IRAK2: variants seen among roughly 807,000 people sequenced by gnomAD.
IRAK2 encodes interleukin-1 receptor-associated kinase-like 2.
IRAK2 carries 57 observed loss-of-function variants against 72.0 expected under a neutral mutation model. The ratio of observed to expected loss-of-function variants is 0.79; its 90% CI spans 0.64 to 0.99. The LOEUF is 0.99. IRAK2 is among the 50% of genes least tolerant of loss of function. The pLI, the probability that IRAK2 is intolerant of heterozygous loss-of-function variation, is 0.00. For synonymous variants in IRAK2, 293 were observed against 312.7 expected (o/e 0.94, Z 0.67); for missense variants, 790 against 794.4 (o/e 0.99, Z 0.07).
chr3:10,234,436 C>G, intron 10 of IRAK2, 23 bp from the exon 11 acceptor site: 1 of 1,602,966 alleles, frequency 6.2e-7, no homozygotes, highest in Non-Finnish European at 8.5e-7. Flanking sequence ...CACGCAAGGG[C>G]GTTTCTACCC....
chr3:10,207,843 AT>A (rs1394306037), intron 3 of IRAK2, among the ~76,000 whole-genome samples: 1 of 152,002 alleles, frequency 6.6e-6, no homozygotes, highest in Non-Finnish European at 1.5e-5. Flanking sequence ...AAATACAAAA[AT>A]TAGCCGGCAT....
chr3:10,230,163 C>T (rs545572586), intron 10 of IRAK2, among the ~76,000 whole-genome samples: 20 of 152,110 alleles, frequency 1.3e-4, no homozygotes, highest in African/African-American at 3.1e-4. Context: ...TCCAAGTGAA[C>T]AAAGCAAATT....
chr3:10,180,501 C>T lies in IRAK2; in HGVS notation c.277+2481C>T, dbSNP rs77035214. ...GAATAGGAAGAAGACAGCCACATGACGCATTGGGTAAGAGCTCAGGAGAGA... is the reference window on the plus strand; with the variant it reads ...GAATAGGAAGAAGACAGCCACATGATGCATTGGGTAAGAGCTCAGGAGAGA... On this transcript the variant is annotated intron_variant, in intron 2 of 12. Transcript: ENST00000256458. 4.6e-3 allele frequency among the ~76,000 whole-genome samples: 699 copies of T among 152,182 alleles called. 25 individuals are homozygous for T. The South Asian group carries it at 0.075, about 16-fold the overall frequency.
At chr3:10,185,175 C>T (rs1697034713) in intron 2 of IRAK2, among the ~76,000 whole-genome samples, 1 of 151,588 alleles carries the variant, frequency 6.6e-6, no homozygotes. Flanking sequence ...TTGGGCCCCA[C>T]CTCATCTGCT....
intron 8 of IRAK2, among the ~76,000 whole-genome samples, chr3:10,220,537 G>A (rs1697671483): frequency 1.3e-5 from 2 of 152,036 alleles, no homozygotes; most frequent in African/African-American, 2.4e-5. Flanking sequence ...CCACCTCCCT[G>A]GTTCAAGCGA....
At chr3:10,216,018 C>T (rs957398703) in intron 6 of IRAK2, among the ~76,000 whole-genome samples, 5 of 151,946 alleles carry the variant, frequency 3.3e-5, no homozygotes, top group South Asian at 2.1e-4. Context: ...TATGCAAAAG[C>T]GAGTAATAGG....
chr3:10,202,823 C>T (rs562374449), intron 3 of IRAK2, among the ~76,000 whole-genome samples: 1 of 151,608 alleles, frequency 6.6e-6, no homozygotes, highest in Admixed American at 6.6e-5. Context: ...TCTCAAGTAG[C>T]TGGGACTACA....
rs140997134 is a variant in IRAK2, at chr3:10,177,846, G to T, written c.103G>T (p.Val35Leu). 3.7e-6 allele frequency: 6 copies of T among 1,612,714 alleles called. No individual in the cohort carries two copies. In the South Asian group the frequency reaches 4.4e-5, roughly 12 times the overall value. The stretch of plus-strand genomic sequence containing the variant: ...CTCTCCGTCCCTTCCAGCCTCCTAC[G>T]TGATCACAGACCTGACCCAGCTGCG... ...EWDWMEFASY[V>L]ITDLTQLRKI... The change falls in exon 2 of 13, where the codon GTG (valine) becomes TTG (leucine). Residue 35 changes from valine (V) to leucine (L), a missense_variant. Coordinates refer to ENST00000256458, the MANE Select transcript of IRAK2 (RefSeq NM_001570.4).
chr3:10,240,558 C>CCCT (rs1274154130), intron 12 of IRAK2, among the ~76,000 whole-genome samples: 2 of 18,066 alleles, frequency 1.1e-4, no homozygotes, highest in South Asian at 6.7e-3. Flanking sequence ...CCCCCCCCGC[C>CCCT]TTTTTTTTTT....
At position 10,232,517 on chromosome 3, in the gene IRAK2, G is replaced by A. The variant is rs146984201; in HGVS notation, c.1273-1942G>A. Among the ~76,000 whole-genome samples, 397 of 152,240 alleles carry A rather than the reference G, an allele frequency of 2.6e-3. 3 individuals carry two copies. Among genetic ancestry groups the A allele is most frequent in the Non-Finnish European group, 4.5e-3 (304 of 68,024 alleles). On this transcript the variant is annotated intron_variant, in intron 10 of 12. Coordinates refer to ENST00000256458, the MANE Select transcript of IRAK2 (RefSeq NM_001570.4). ...ATCAGTGGTTTCAGGTGGAGCTGCCGACTCCTCCATGGTGAAGTTCCCTCG... is the reference window on the plus strand; with the variant it reads ...ATCAGTGGTTTCAGGTGGAGCTGCCAACTCCTCCATGGTGAAGTTCCCTCG...
chr3:10,184,785 A>T (rs937849651), intron 2 of IRAK2, among the ~76,000 whole-genome samples: 1 of 137,534 alleles, frequency 7.3e-6, no homozygotes, highest in East Asian at 2.2e-4. Context: ...GCTGGAGTGC[A>T]GTGGCGCGAT....
chr3:10,242,237 A>C lies in IRAK2; in HGVS notation c.*9A>C, dbSNP rs1387867643. 1.3e-6 allele frequency: 2 copies of C among 1,532,068 alleles called. No homozygotes were observed. Among genetic ancestry groups the C allele is most frequent in the African/African-American group, 2.7e-5 (2 of 73,196 alleles). The allele number at this position is 1,532,068 out of a possible 1,614,324, so 94.9% of individuals were successfully genotyped here. ...AGCTCTTTGGCCCCTGATGACCGGA[A>C]CACAGCTGAGGACCCTTGTCCTCAG... On this transcript the variant is annotated 3_prime_UTR_variant, in exon 13 of 13. Transcript: ENST00000256458.
intron 2 of IRAK2, 150 bp downstream of exon 2, chr3:10,178,170 G>A (rs550334388): frequency 2.4e-5 from 17 of 694,554 alleles, no homozygotes; most frequent in East Asian, 2.0e-4. Context: ...TAAGAAACTG[G>A]TAACAGGCCA....
At chr3:10,230,611 C>A (rs1403225121) in intron 10 of IRAK2, among the ~76,000 whole-genome samples, 1 of 152,062 alleles carries the variant, frequency 6.6e-6, no homozygotes, top group African/African-American at 2.4e-5. Flanking sequence ...TCTCTGCCAC[C>A]CTGGCTAGTA....
chr3:10,229,694 T>C (rs1339557097), intron 10 of IRAK2, among the ~76,000 whole-genome samples: 1 of 152,206 alleles, frequency 6.6e-6, no homozygotes, highest in African/African-American at 2.4e-5. Flanking sequence ...TGAAGAGTAT[T>C]CCATTGTATG....
intron 11 of IRAK2, among the ~76,000 whole-genome samples, chr3:10,236,812 G>A (rs1025283497): frequency 6.6e-6 from 1 of 152,204 alleles, no homozygotes; most frequent in African/African-American, 2.4e-5. Flanking sequence ...CTATAACAAG[G>A]AGACTGCAAA....
intron 11 of IRAK2, 88 bp from the exon 12 acceptor site, chr3:10,238,660 C>G (rs1025131776): frequency 7.8e-7 from 1 of 1,279,986 alleles, no homozygotes; most frequent in East Asian, 2.3e-5. Context: ...GTCTGCTCCC[C>G]GCCCCCTCTC....
At chr3:10,169,442 G>A (rs9861384) in intron 1 of IRAK2, among the ~76,000 whole-genome samples, 591 of 152,192 alleles carry the variant, frequency 3.9e-3, no homozygotes, top group African/African-American at 0.014. Flanking sequence ...GACCTACCCC[G>A]GGAATGCGTT....
Position 10,185,761 on chromosome 3 carries a change from A to C in IRAK2, c.277+7741A>C, listed in dbSNP as rs1697066142. On this transcript the variant is annotated intron_variant, in intron 2 of 12. Coordinates refer to ENST00000256458, the MANE Select transcript of IRAK2 (RefSeq NM_001570.4). ...CGTGGTGGCTCAGGCCTGTGATCTC[A>C]GCTACTTGGGAGGCTGACGCAGGAG... Among the ~76,000 whole-genome samples the C allele has an allele frequency of 4.6e-5, 7 of 151,414 alleles. No homozygotes were observed. In the South Asian group the frequency reaches 1.5e-3, roughly 31 times the overall value.
Sources: gnomAD v4.1 joint callset for allele counts (sites outside exome capture counted in the v4.1 genomes callset) on GRCh38, gnomAD v4.1.1 for gene constraint, MANE v1.5 for transcripts, NCBI Gene and HGNC (gene_info 2026-07-23, HGNC 2026-07-21) for gene names.